The following ROCK1 variants were observed in gnomAD, a reference collection of about 807,000 sequenced individuals.
The protein encoded by ROCK1 is rho-associated protein kinase 1.
ROCK1 carries 36 observed loss-of-function variants against 196.8 expected under a neutral mutation model. That is an observed-to-expected ratio of 0.18 (90% CI 0.14 to 0.24). The LOEUF (loss-of-function observed/expected upper bound fraction) is 0.24. ROCK1 is among the 10% of genes least tolerant of loss of function. ROCK1 has a pLI of 1.00. For synonymous variants in ROCK1, 443 were observed against 515.9 expected, an observed-to-expected ratio of 0.86 and a Z score of 1.91; for missense variants, 920 against 1,562.0, an observed-to-expected ratio of 0.59 and a Z score of 6.93.
chr18:21,032,853 T>A (rs1402450817), intron 9 of ROCK1, among the ~76,000 whole-genome samples: 3 of 151,628 alleles, frequency 2.0e-5, no homozygotes, highest in Non-Finnish European at 4.4e-5. Context: ...TTAGATGAAA[T>A]AGAGACATTC....
chr18:21,081,497 C>T (rs2036482329), intron 1 of ROCK1, among the ~76,000 whole-genome samples: 1 of 151,798 alleles, frequency 6.6e-6, no homozygotes, highest in South Asian at 2.1e-4. Context: ...CCAAAGCTGA[C>T]AGAAGGAAAG....
chr18:21,027,074 G>T (rs923721758), intron 10 of ROCK1, among the ~76,000 whole-genome samples: 15 of 151,956 alleles, frequency 9.9e-5, no homozygotes, highest in African/African-American at 3.6e-4. Context: ...AAGTAGCTGG[G>T]ATTACAGGCA....
rs1444256333 is a variant in ROCK1, at chr18:20,947,936, C to G, written c.*3448G>C. On this transcript the variant is annotated 3_prime_UTR_variant, in exon 33 of 33. Coordinates refer to ENST00000399799, the MANE Select transcript of ROCK1 (RefSeq NM_005406.3). ...ACCAGGCTGGCCAACATGGTGAAAC[C>G]CTGTCTCTACTAAAAATACAAAAAT... 2.0e-5 allele frequency: 3 copies of G among 151,710 alleles called. No homozygotes were observed. Among genetic ancestry groups the G allele is most frequent in the African/African-American group, 7.3e-5 (3 of 41,272 alleles). The allele number at this position is 151,710 out of a possible 1,614,324, so 9.4% of individuals were successfully genotyped here. A position where few individuals can be genotyped will look rare whatever the true frequency, so the allele number is the denominator to read the frequency against.
At chr18:21,067,487 A>G (rs2036346371) in intron 2 of ROCK1, among the ~76,000 whole-genome samples, 1 of 151,358 alleles carries the variant, frequency 6.6e-6, no homozygotes, top group Admixed American at 6.6e-5. Flanking sequence ...CCTGGGTTCA[A>G]GCAATTCTCC....
At chr18:21,091,168 C>A (rs188825698) in intron 1 of ROCK1, among the ~76,000 whole-genome samples, 1 of 152,172 alleles carries the variant, frequency 6.6e-6, no homozygotes, top group Non-Finnish European at 1.5e-5. Flanking sequence ...TCCTCCTCAG[C>A]TACTCAACAT....
chr18:21,083,180 A>C (rs1174213348), intron 1 of ROCK1, among the ~76,000 whole-genome samples: 2 of 152,246 alleles, frequency 1.3e-5, no homozygotes, highest in Non-Finnish European at 2.9e-5. Flanking sequence ...TGCTGAAATT[A>C]TAGAAGACAT....
chr18:21,003,795 C>T (rs2035746478), intron 16 of ROCK1, among the ~76,000 whole-genome samples: 1 of 152,100 alleles, frequency 6.6e-6, no homozygotes, highest in African/African-American at 2.4e-5. Flanking sequence ...ACTGACATGA[C>T]ATTCAAGGAT....
chr18:21,044,451 C>T (rs1383182078), intron 5 of ROCK1, among the ~76,000 whole-genome samples: 1 of 152,048 alleles, frequency 6.6e-6, no homozygotes, highest in Admixed American at 6.5e-5. Context: ...GAGAGACAGA[C>T]CATCAAAAAT....
chr18:21,054,901 C>A (rs1415635252), intron 2 of ROCK1, among the ~76,000 whole-genome samples: 2 of 152,032 alleles, frequency 1.3e-5, no homozygotes, highest in Non-Finnish European at 2.9e-5. Flanking sequence ...ACTCTCTAAG[C>A]ACTCTCTTAT....
intron 1 of ROCK1, among the ~76,000 whole-genome samples, chr18:21,083,689 T>C (rs1267472613): frequency 2.6e-5 from 4 of 152,246 alleles, no homozygotes; most frequent in Non-Finnish European, 5.9e-5. Flanking sequence ...ATGATTTTAG[T>C]AATATTTTCT....
intron 2 of ROCK1, among the ~76,000 whole-genome samples, chr18:21,063,354 G>A (rs1040350170): frequency 3.9e-5 from 6 of 152,148 alleles, no homozygotes; most frequent in African/African-American, 1.4e-4. Flanking sequence ...CAGAAGGTCA[G>A]ATCCATGAAG....
chr18:20,995,183 C>T (rs2035660211), intron 16 of ROCK1, among the ~76,000 whole-genome samples: 1 of 152,156 alleles, frequency 6.6e-6, no homozygotes, highest in Non-Finnish European at 1.5e-5. Flanking sequence ...TGAATGTTCT[C>T]ACCATAGAGA....
At chr18:21,087,676 A>G (rs1278008837) in intron 1 of ROCK1, among the ~76,000 whole-genome samples, 3 of 152,212 alleles carry the variant, frequency 2.0e-5, no homozygotes, top group Non-Finnish European at 4.4e-5. Flanking sequence ...ACACAAGTGA[A>G]GCAAAACCTG....
chr18:21,049,898 T>C lies in ROCK1; in HGVS notation c.176-18A>G, dbSNP rs547995160. The C allele has an allele frequency of 1.4e-6, 2 of 1,423,438 alleles. No homozygotes were observed. Among genetic ancestry groups the C allele is most frequent in the African/African-American group, 2.9e-5 (2 of 69,520 alleles). The allele number at this position is 1,423,438 out of a possible 1,614,324, so 88.2% of individuals were successfully genotyped here. The stretch of plus-strand genomic sequence containing the variant: ...GTCTTTATCTGTATGAAAAGAAAAG[T>C]TTATCATTTTAAATCACTAAAGCAT... On this transcript the variant is annotated intron_variant, in intron 2 of 32. Transcript: ENST00000399799.
chr18:20,952,515 C>A (rs181036664), intron 32 of ROCK1, among the ~76,000 whole-genome samples: 16 of 151,402 alleles, frequency 1.1e-4, no homozygotes, highest in Non-Finnish European at 2.2e-4. Context: ...TGGTGGCTCA[C>A]GCCTGTAATC....
At chr18:21,019,897 T>TAA (rs1266866256) in intron 12 of ROCK1, among the ~76,000 whole-genome samples, 1 of 139,494 alleles carries the variant, frequency 7.2e-6, no homozygotes, top group Non-Finnish European at 1.6e-5. Flanking sequence ...TTTCATGAAT[T>TAA]AAAAAAAAAA....
intron 22 of ROCK1, among the ~76,000 whole-genome samples, chr18:20,971,729 G>A (rs1320146104): frequency 6.6e-6 from 1 of 151,100 alleles, no homozygotes; most frequent in Admixed American, 6.6e-5. Context: ...AAGAGACACA[G>A]CAGTAACAAA....
At chr18:21,109,918 C>A (rs1241477536) in intron 1 of ROCK1, among the ~76,000 whole-genome samples, 1 of 151,976 alleles carries the variant, frequency 6.6e-6, no homozygotes, top group Non-Finnish European at 1.5e-5. Flanking sequence ...TACATGCTCC[C>A]TGAAACCTTA....
chr18:20,978,590 T>C (rs1039589326), intron 22 of ROCK1, among the ~76,000 whole-genome samples: 1 of 152,198 alleles, frequency 6.6e-6, no homozygotes, highest in African/African-American at 2.4e-5. Context: ...GGCCACCATA[T>C]TGGGCAGAGG....
Sources: allele counts gnomAD v4.1 joint callset (sites outside exome capture counted in the v4.1 genomes callset), GRCh38; gene constraint gnomAD v4.1.1; transcripts MANE v1.5; gene names NCBI Gene and HGNC (gene_info 2026-07-23, HGNC 2026-07-21).